RORA: variants seen among roughly 807,000 people sequenced by gnomAD.
The protein encoded by RORA is nuclear receptor ROR-alpha.
In RORA, 7 loss-of-function variants were observed where a neutral mutation model predicts 69.5. That is an observed-to-expected ratio of 0.10 (90% CI 0.06 to 0.19). The LOEUF (loss-of-function observed/expected upper bound fraction) is 0.19, where lower values mean the gene tolerates loss of function less well. Among genes scored for constraint, RORA ranks in the 10% least tolerant of loss-of-function variants. The pLI, the probability that RORA is intolerant of heterozygous loss-of-function variation, is 1.00. For synonymous variants in RORA, 261 were observed against 240.8 expected, an observed-to-expected ratio of 1.08 and a Z score of -0.78; for missense variants, 457 against 663.0, an observed-to-expected ratio of 0.69 and a Z score of 3.41.
intron 1 of RORA, among the ~76,000 whole-genome samples, chr15:61,219,506 C>T (rs1189275574): frequency 2.6e-5 from 4 of 151,994 alleles, no homozygotes; most frequent in East Asian, 1.9e-4. Flanking sequence ...ACCCAGGAGG[C>T]GGAGCTTGCA....
At chr15:60,686,690 T>G (rs2140766127) in intron 1 of RORA, 1 of 152,350 alleles carries the variant, frequency 6.6e-6, no homozygotes, top group South Asian at 2.1e-4. Context: ...CTCTGCAATC[T>G]GTTAAATCTG....
chr15:60,515,935 ATATT>A (rs1479193095), intron 3 of RORA, among the ~76,000 whole-genome samples: 2 of 17,254 alleles, frequency 1.2e-4, no homozygotes, highest in African/African-American at 6.5e-4. Flanking sequence ...ATTTATATAT[ATATT>A]TATATATATT....
chr15:61,025,726 T>C (rs1895775531), intron 1 of RORA, among the ~76,000 whole-genome samples: 1 of 152,136 alleles, frequency 6.6e-6, no homozygotes, highest in South Asian at 2.1e-4. Context: ...CGTAAAGAAT[T>C]AGTGCAGAAA....
intron 1 of RORA, among the ~76,000 whole-genome samples, chr15:61,189,623 C>G (rs935022914): frequency 6.6e-6 from 1 of 151,920 alleles, no homozygotes; most frequent in African/African-American, 2.4e-5. Flanking sequence ...TTTGGGAGGC[C>G]GAGGTAGGCA....
intron 1 of RORA, among the ~76,000 whole-genome samples, chr15:60,796,272 T>C (rs2072494244): frequency 6.6e-6 from 1 of 152,076 alleles, no homozygotes; most frequent in African/African-American, 2.4e-5. Context: ...AGCTTCCCCA[T>C]GCACACGACT....
chr15:60,629,083 A>C (rs1310769458), intron 2 of RORA, among the ~76,000 whole-genome samples: 1 of 151,906 alleles, frequency 6.6e-6, no homozygotes, highest in Non-Finnish European at 1.5e-5. Context: ...TGACCTCTGC[A>C]GACCTACACT....
At chr15:60,555,684 T>C (rs989224453) in intron 2 of RORA, among the ~76,000 whole-genome samples, 1 of 152,080 alleles carries the variant, frequency 6.6e-6, no homozygotes, top group Non-Finnish European at 1.5e-5. Context: ...GGTCTTGTGT[T>C]CATATTCACA....
At chr15:61,206,905 G>C (rs528458215) in intron 1 of RORA, among the ~76,000 whole-genome samples, 233 of 152,300 alleles carry the variant, frequency 1.5e-3, no homozygotes, top group African/African-American at 5.1e-3. Context: ...GAGGCAGGGT[G>C]TGATGCTCTA....
intron 1 of RORA, among the ~76,000 whole-genome samples, chr15:61,189,279 A>T (rs192706299): frequency 1.3e-5 from 2 of 152,346 alleles, no homozygotes; most frequent in East Asian, 3.9e-4. Context: ...TGCCTTCTTA[A>T]GGTTAATGGT....
chr15:61,229,136 T>A lies in RORA; in HGVS notation c.83A>T (p.Glu28Val), dbSNP rs1217012259. The A allele has an allele frequency of 6.5e-7, 1 of 1,542,176 alleles. No individual in the cohort carries two copies. Among genetic ancestry groups the A allele is most frequent in the Non-Finnish European group, 8.7e-7 (1 of 1,144,714 alleles). ...SGADAAAGSR[E>V]TPLNQESARK... is the part of the protein sequence containing the mutation. ...GGCGGATTCCTGGTTCAGCGGGGTC[T>A]CCCTGGAGCCGGCGGCCGCGTCCGC... The change falls in exon 1 of 11, where the codon GAG becomes GTG. Residue 28 changes from glutamate to valine, a missense_variant. Transcript: ENST00000335670.
At chr15:60,899,708 T>C (rs1891332927) in intron 1 of RORA, among the ~76,000 whole-genome samples, 1 of 152,328 alleles carries the variant, frequency 6.6e-6, no homozygotes, top group South Asian at 2.1e-4. Flanking sequence ...TCCCCGCACT[T>C]CAAACTAAAC....
intron 1 of RORA, among the ~76,000 whole-genome samples, chr15:61,204,955 G>C (rs2079927231): frequency 6.6e-6 from 1 of 152,222 alleles, no homozygotes; most frequent in African/African-American, 2.4e-5. Context: ...ATTCTGTTCA[G>C]GCTTTTCAAT....
intron 1 of RORA, among the ~76,000 whole-genome samples, chr15:61,080,378 G>C (rs1043675862): frequency 2.6e-5 from 4 of 152,166 alleles, no homozygotes; most frequent in African/African-American, 7.2e-5. Context: ...CCCCCTGCCA[G>C]AGTGAGAAAC....
intron 1 of RORA, among the ~76,000 whole-genome samples, chr15:60,684,204 C>A (rs184673752): frequency 2.6e-5 from 4 of 152,190 alleles, no homozygotes; most frequent in Non-Finnish European, 4.4e-5. Flanking sequence ...AGACTTGATG[C>A]CACTCTGCCA....
At chr15:60,904,172 T>C (rs1209765862) in intron 1 of RORA, among the ~76,000 whole-genome samples, 1 of 152,194 alleles carries the variant, frequency 6.6e-6, no homozygotes, top group Non-Finnish European at 1.5e-5. Context: ...TGAACATCTA[T>C]CCTCCTTAAG....
intron 3 of RORA, among the ~76,000 whole-genome samples, chr15:60,518,713 C>T (rs2066052081): frequency 6.6e-6 from 1 of 152,212 alleles, no homozygotes; most frequent in African/African-American, 2.4e-5. Context: ...TTATCCTAAT[C>T]CTGCTCATCC....
chr15:61,120,343 T>C (rs966934306), intron 1 of RORA, among the ~76,000 whole-genome samples: 7 of 151,002 alleles, frequency 4.6e-5, no homozygotes, highest in African/African-American at 1.7e-4. Context: ...CTGAAGACCA[T>C]TGTTCCAAAG....
chr15:60,783,838 ACCT>A (rs2072297405), intron 1 of RORA, among the ~76,000 whole-genome samples: 1 of 152,218 alleles, frequency 6.6e-6, no homozygotes, highest in South Asian at 2.1e-4. Context: ...CAGATCAACA[ACCT>A]GTCTGTTAGC....
At chr15:60,991,870 T>C (rs531100826) in intron 1 of RORA, among the ~76,000 whole-genome samples, 50 of 151,656 alleles carry the variant, frequency 3.3e-4, no homozygotes, top group African/African-American at 1.1e-3. Context: ...AGCATCCCTG[T>C]ACTCCAGCCT....
Sources: gnomAD v4.1 joint callset for allele counts (sites outside exome capture counted in the v4.1 genomes callset) on GRCh38, gnomAD v4.1.1 for gene constraint, MANE v1.5 for transcripts, NCBI Gene and HGNC (gene_info 2026-07-23, HGNC 2026-07-21) for gene names.